LMBR1: variants seen among roughly 807,000 people sequenced by gnomAD.
The protein encoded by LMBR1 is limb development membrane protein 1, also known as limb region 1 protein homolog.
A neutral mutation model predicts 73.9 loss-of-function variants in LMBR1; 52 were observed. The observed-to-expected ratio is 0.70, with a 90% CI of 0.56 to 0.89. The LOEUF is 0.89. Ranked by LOEUF, LMBR1 falls within the 40% of genes least tolerant of loss-of-function variation. LMBR1 has a pLI of 0.00. For synonymous variants in LMBR1, 215 were observed against 209.4 expected, an observed-to-expected ratio of 1.03 and a Z score of -0.23; for missense variants, 539 against 579.8, an observed-to-expected ratio of 0.93 and a Z score of 0.72.
At chr7:156,747,272 C>T (rs1820015299) in intron 9 of LMBR1, among the ~76,000 whole-genome samples, 2 of 152,088 alleles carry the variant, frequency 1.3e-5, no homozygotes, top group East Asian at 1.9e-4. Flanking sequence ...GATCCTGCCC[C>T]ACCCGTCTCT....
chr7:156,823,908 G>C (rs1400281518), intron 4 of LMBR1: 2 of 152,194 alleles, frequency 1.3e-5, no homozygotes, highest in East Asian at 3.9e-4. Context: ...GGCTAACACG[G>C]TGAAACCAGT....
chr7:156,762,481 TAATA>T (rs1448240311), intron 7 of LMBR1, among the ~76,000 whole-genome samples: 1 of 152,180 alleles, frequency 6.6e-6, no homozygotes, highest in Non-Finnish European at 1.5e-5. Flanking sequence ...AGTTGAATAA[TAATA>T]AATACTTTTG....
intron 5 of LMBR1, among the ~76,000 whole-genome samples, chr7:156,784,030 T>TA: frequency 6.6e-6 from 1 of 150,754 alleles, no homozygotes; most frequent in Non-Finnish European, 1.5e-5. Flanking sequence ...CACACTATAA[T>TA]ACTAGCTTGC....
At chr7:156,806,084 T>A (rs1832008573) in intron 4 of LMBR1, among the ~76,000 whole-genome samples, 1 of 152,070 alleles carries the variant, frequency 6.6e-6, no homozygotes, top group Non-Finnish European at 1.5e-5. Context: ...TATGGTATTG[T>A]TATAGCAGCC....
intron 4 of LMBR1, among the ~76,000 whole-genome samples, chr7:156,825,974 AGCT>A (rs1563462140): frequency 6.6e-6 from 1 of 152,106 alleles, no homozygotes; most frequent in African/African-American, 2.4e-5. Context: ...TAGAAACTAT[AGCT>A]GCTGTTTTTT....
intron 5 of LMBR1, among the ~76,000 whole-genome samples, chr7:156,766,548 C>A (rs1452095297): frequency 3.3e-5 from 5 of 152,136 alleles, no homozygotes; most frequent in Non-Finnish European, 7.4e-5. Flanking sequence ...TCAGACTTTT[C>A]ACAGTTCTTG....
intron 4 of LMBR1, chr7:156,823,111 C>CA (rs1304597990): frequency 6.6e-6 from 1 of 150,596 alleles, no homozygotes; most frequent in Non-Finnish European, 1.5e-5. Flanking sequence ...CACTTCATCT[C>CA]AAAAAAATTA....
chr7:156,888,282 T>C (rs937826900), intron 1 of LMBR1, among the ~76,000 whole-genome samples: 14 of 151,316 alleles, frequency 9.3e-5, no homozygotes, highest in South Asian at 4.2e-4. Context: ...TGGTGGCGGG[T>C]GCCTGTAGTC....
At chr7:156,719,955 C>G (rs1452631838) in intron 15 of LMBR1, among the ~76,000 whole-genome samples, 1 of 150,970 alleles carries the variant, frequency 6.6e-6, no homozygotes, top group Non-Finnish European at 1.5e-5. Context: ...AAAATTAATT[C>G]AAGATGGATT....
chr7:156,669,980 A>C lies in LMBR1; in HGVS notation n.867-693T>G, dbSNP rs1460912036. ...ATGGGAAAGTGCCATCCAAGTACTAAAAGTATAAAGCTGTATGTACTTCTG... is the reference window on the plus strand; with the variant it reads ...ATGGGAAAGTGCCATCCAAGTACTACAAGTATAAAGCTGTATGTACTTCTG... On this transcript the variant is annotated intron_variant and non_coding_transcript_variant, in intron 4 of 4. Coordinates refer to the LMBR1 transcript ENST00000430825. The surrounding 1 kb of genome is among the most constrained non-coding windows in gnomAD (Gnocchi z 4.2). 2.0e-5 allele frequency among the ~76,000 whole-genome samples: 3 copies of C among 152,214 alleles called. No individual in the cohort carries two copies. Among genetic ancestry groups the C allele is most frequent in the African/African-American group, 4.8e-5 (2 of 41,456 alleles).
intron 2 of LMBR1, among the ~76,000 whole-genome samples, chr7:156,836,252 T>C (rs888846777): frequency 2.0e-5 from 3 of 152,164 alleles, no homozygotes; most frequent in Admixed American, 1.3e-4. Flanking sequence ...CAAAAAATAG[T>C]AAGGTAATTG....
chr7:156,699,120 G>T (rs541163656), intron 15 of LMBR1, among the ~76,000 whole-genome samples: 2 of 152,230 alleles, frequency 1.3e-5, no homozygotes, highest in South Asian at 4.1e-4. Flanking sequence ...TAGGGCAGGG[G>T]CAAAATGCCA....
chr7:156,735,777 T>G (rs1310019177), intron 9 of LMBR1, among the ~76,000 whole-genome samples: 1 of 152,186 alleles, frequency 6.6e-6, no homozygotes, highest in Non-Finnish European at 1.5e-5. Flanking sequence ...TTACCTATCT[T>G]GCTTGCTTAC....
At chr7:156,822,540 T>C (rs1834954071) in intron 4 of LMBR1, 1 of 152,116 alleles carries the variant, frequency 6.6e-6, no homozygotes, top group Non-Finnish European at 1.5e-5. Flanking sequence ...GAATATTCAA[T>C]TAATGGTATT....
At chr7:156,750,298 G>A (rs961166280) in intron 9 of LMBR1, among the ~76,000 whole-genome samples, 6 of 90,742 alleles carry the variant, frequency 6.6e-5, no homozygotes, top group Admixed American at 3.1e-4. Context: ...GTGTGTGTAC[G>A]TGTGTGTGTG....
In LMBR1 at chr7:156,840,964, CAAAAAAAAAAA is replaced by C. The variant is rs57968006; in HGVS notation, c.67-4090_67-4080del. 9.7e-3 allele frequency among the ~76,000 whole-genome samples: 696 copies of C among 71,434 alleles called. 13 individuals are homozygous for C. The highest frequency in any genetic ancestry group is 0.032 in the African/African-American group (668 of 20,946). 46.9% of individuals were successfully genotyped at this position (71,434 alleles called of 152,430 possible). On this transcript the variant is annotated intron_variant, in intron 1 of 16. Coordinates refer to ENST00000353442, the MANE Select transcript of LMBR1 (RefSeq NM_022458.4). The stretch of plus-strand genomic sequence containing the variant: ...TGGGCGACTGAGCAAGACTCGGTCT[CAAAAAAAAAAA>C]AAAAAAAAAGAAAAAGAAAAGAAAC...
intron 9 of LMBR1, among the ~76,000 whole-genome samples, chr7:156,744,074 AT>A (rs552748876): frequency 1.1e-4 from 16 of 150,730 alleles, no homozygotes; most frequent in African/African-American, 2.7e-4. Flanking sequence ...GAATATATGA[AT>A]TTTTTTTTTA....
intron 9 of LMBR1, among the ~76,000 whole-genome samples, chr7:156,734,677 G>A (rs1247604995): frequency 1.3e-5 from 2 of 152,048 alleles, no homozygotes; most frequent in Admixed American, 1.3e-4. Context: ...ATGTTTCCTA[G>A]AAAATTTCTT....
chr7:156,767,526 C>T (rs997649074), intron 5 of LMBR1, among the ~76,000 whole-genome samples: 1 of 151,778 alleles, frequency 6.6e-6, no homozygotes, highest in Non-Finnish European at 1.5e-5. Context: ...TAATATTTCA[C>T]TTTTTACTGA....
Sources: gnomAD v4.1 joint callset for allele counts (sites outside exome capture counted in the v4.1 genomes callset) on GRCh38, gnomAD v4.1.1 for gene constraint, Gnocchi (gnomAD v3.1) non-coding constraint, MANE v1.5 for transcripts, NCBI Gene and HGNC (gene_info 2026-07-23, HGNC 2026-07-21) for gene names.